The following GALNT2 variants were observed in gnomAD, a reference collection of about 807,000 sequenced individuals.
GALNT2 encodes UDP-GalNAc:polypeptide N-acetylgalactosaminyltransferase 2.
A neutral mutation model predicts 81.4 loss-of-function variants in GALNT2; 31 were observed. That is an observed-to-expected ratio of 0.38 (90% CI 0.29 to 0.51). The LOEUF (loss-of-function observed/expected upper bound fraction) is 0.51. Ranked by LOEUF, GALNT2 falls within the 20% of genes least tolerant of loss-of-function variation. The pLI, the probability that GALNT2 is intolerant of heterozygous loss-of-function variation, is 0.87. For synonymous variants in GALNT2, 303 were observed against 287.4 expected (o/e 1.05, Z -0.55); for missense variants, 629 against 765.7 (o/e 0.82, Z 2.11).
intron 1 of GALNT2, among the ~76,000 whole-genome samples, chr1:230,167,227 C>T (rs1447596945): frequency 2.6e-5 from 4 of 152,092 alleles, no homozygotes; most frequent in South Asian, 4.2e-4. Context: ...CTCACTGCAG[C>T]CTCAAACTCC....
At chr1:230,276,770 A>C (rs1302078908) in intron 15 of GALNT2, among the ~76,000 whole-genome samples, 1 of 152,182 alleles carries the variant, frequency 6.6e-6, no homozygotes, top group Non-Finnish European at 1.5e-5. Flanking sequence ...AAAATGTGTA[A>C]GGGAGTGCCT....
At chr1:230,159,159 A>G (rs937156727) in intron 1 of GALNT2, among the ~76,000 whole-genome samples, 2 of 152,082 alleles carry the variant, frequency 1.3e-5, no homozygotes, top group Admixed American at 6.5e-5. Flanking sequence ...GTGGGAAAGG[A>G]CGCTGTACCC....
In GALNT2 at chr1:230,193,464, T is replaced by C. The variant is rs1663591130; in HGVS notation, c.221-9673T>C. Among the ~76,000 whole-genome samples, 1 of 152,136 alleles carries C rather than the reference T, an allele frequency of 6.6e-6. No individual in the cohort carries two copies. Among genetic ancestry groups the C allele is most frequent in the African/African-American group, 2.4e-5 (1 of 41,430 alleles). The stretch of plus-strand genomic sequence containing the variant: ...GTGCATGTGCCTGTGCGTGAGCCTC[T>C]GTGTGCTGGGGTTTGCATGCGCCTC... On this transcript the variant is annotated intron_variant, in intron 2 of 15. Coordinates refer to ENST00000366672, the MANE Select transcript of GALNT2 (RefSeq NM_004481.5). This position sits in a 1 kb window ranked among gnomAD's most constrained non-coding sequence, Gnocchi z 4.3.
At chr1:230,089,539 A>G (rs1481328848) in intron 1 of GALNT2, among the ~76,000 whole-genome samples, 1 of 152,066 alleles carries the variant, frequency 6.6e-6, no homozygotes, top group Non-Finnish European at 1.5e-5. Context: ...AGCAAAACTG[A>G]TACTCTGTAC....
At chr1:230,200,612 A>G (rs983469937) in intron 2 of GALNT2, among the ~76,000 whole-genome samples, 1 of 152,190 alleles carries the variant, frequency 6.6e-6, no homozygotes, top group Non-Finnish European at 1.5e-5. Context: ...GAGAGCACAA[A>G]GAGATGTATG....
At chr1:230,153,168 ATCT>A (rs1662141916) in intron 1 of GALNT2, among the ~76,000 whole-genome samples, 1 of 152,198 alleles carries the variant, frequency 6.6e-6, no homozygotes, top group Non-Finnish European at 1.5e-5. Context: ...TGCTCAAGCG[ATCT>A]TCTTATCTCA....
intron 1 of GALNT2, among the ~76,000 whole-genome samples, chr1:230,160,401 G>A (rs191334679): frequency 2.6e-5 from 4 of 152,230 alleles, no homozygotes; most frequent in Admixed American, 2.6e-4. Flanking sequence ...GAGGGCCAGG[G>A]CCTCCCTGTA....
rs1262029676 is a variant in GALNT2, at chr1:230,275,271, G to GTATACGTACATATAGATGCCACATT, written c.1560+715_1560+716insCATATAGATGCCACATTTATACGTA. Among the ~76,000 whole-genome samples the GTATACGTACATATAGATGCCACATT allele has an allele frequency of 7.4e-5, 11 of 148,568 alleles. No individual in the cohort carries two copies. The highest frequency in any genetic ancestry group is 1.6e-4 in the Non-Finnish European group (11 of 67,220). On this transcript the variant is annotated intron_variant, in intron 15 of 15. Coordinates refer to ENST00000366672, the MANE Select transcript of GALNT2 (RefSeq NM_004481.5). The surrounding 1 kb of genome is among the most constrained non-coding windows in gnomAD (Gnocchi z 5.5). ...ATATATACATATATACACACCACAT[G>GTATACGTACATATAGATGCCACATT]TATACGTATATATAGATGCCACATT...
At chr1:230,102,150 C>G (rs1660420734) in intron 1 of GALNT2, among the ~76,000 whole-genome samples, 1 of 152,182 alleles carries the variant, frequency 6.6e-6, no homozygotes, top group Non-Finnish European at 1.5e-5. Flanking sequence ...TGCCTGTTCT[C>G]TTGGAAGAAG....
chr1:230,267,027 TA>T (rs1666055863), intron 14 of GALNT2, among the ~76,000 whole-genome samples: 2 of 146,556 alleles, frequency 1.4e-5, no homozygotes, highest in Admixed American at 1.3e-4. Flanking sequence ...CAATAGCACA[TA>T]TGCTCATCAC....
chr1:230,107,643 T>TGTGTGTGTGTGG (rs779421010), intron 1 of GALNT2, among the ~76,000 whole-genome samples: 1 of 149,006 alleles, frequency 6.7e-6, no homozygotes, highest in African/African-American at 2.5e-5. Flanking sequence ...TGTGTGTGTG[T>TGTGTGTGTGTGG]GGTTGGTTGG....
In GALNT2 at chr1:230,097,600, C is replaced by G. The variant is rs146969081; in HGVS notation, c.126+30194C>G. On this transcript the variant is annotated intron_variant, in intron 1 of 15. Transcript: ENST00000366672. ...TGCCTTTTGAAGGCTGAGTAATATT[C>G]CATTTTGGAGGCTGAGTAATATGTA... Among the ~76,000 whole-genome samples the G allele has an allele frequency of 2.6e-5, 4 of 152,272 alleles. No individual in the cohort carries two copies. In the East Asian group the frequency reaches 7.7e-4, roughly 29 times the overall value.
chr1:230,232,374 G>T (rs990248859), intron 3 of GALNT2, among the ~76,000 whole-genome samples: 1 of 152,116 alleles, frequency 6.6e-6, no homozygotes. Flanking sequence ...GCAGCTCTGC[G>T]TGTTCTGAAA....
intron 3 of GALNT2, among the ~76,000 whole-genome samples, chr1:230,234,949 C>T (rs1024242178): frequency 6.6e-6 from 1 of 152,142 alleles, no homozygotes; most frequent in Admixed American, 6.5e-5. Flanking sequence ...CACAGTGGCT[C>T]ATGCCGGTAA....
intron 3 of GALNT2, among the ~76,000 whole-genome samples, chr1:230,211,191 T>C (rs932353276): frequency 2.0e-5 from 3 of 152,124 alleles, no homozygotes; most frequent in Non-Finnish European, 4.4e-5. Context: ...GAACCGCTGC[T>C]CCATGGTAGA....
intron 1 of GALNT2, among the ~76,000 whole-genome samples, chr1:230,090,534 TGGGAA>T (rs984259366): frequency 2.0e-5 from 3 of 147,390 alleles, no homozygotes; most frequent in Non-Finnish European, 3.0e-5. Flanking sequence ...AGGTGAAGAA[TGGGAA>T]GGGAAGGAGG....
chr1:230,268,245 G>T (rs1313226582), intron 14 of GALNT2: 1 of 152,224 alleles, frequency 6.6e-6, no homozygotes, highest in African/African-American at 2.4e-5. Flanking sequence ...CAGCATTAAT[G>T]CAGATTTCAC....
intron 2 of GALNT2, among the ~76,000 whole-genome samples, chr1:230,196,938 C>T (rs1663713761): frequency 1.3e-5 from 2 of 152,114 alleles, no homozygotes; most frequent in Admixed American, 1.3e-4. Context: ...ATGTGAAAAA[C>T]AGCTTAAGTG....
At chr1:230,160,709 A>G (rs528930359) in intron 1 of GALNT2, among the ~76,000 whole-genome samples, 1 of 149,774 alleles carries the variant, frequency 6.7e-6, no homozygotes, top group East Asian at 2.4e-4. Flanking sequence ...GTGAGACTCC[A>G]TCTAAAAAAA....
Sources: gnomAD v4.1 joint callset for allele counts (sites outside exome capture counted in the v4.1 genomes callset) on GRCh38, gnomAD v4.1.1 for gene constraint, Gnocchi (gnomAD v3.1) non-coding constraint, MANE v1.5 for transcripts, NCBI Gene and HGNC (gene_info 2026-07-23, HGNC 2026-07-21) for gene names.